Variants in MICAL3 observed in about 807,000 individuals in gnomAD.
MICAL3 encodes microtubule associated monooxygenase, calponin and LIM domain containing 3.
In MICAL3, 62 loss-of-function variants were observed where a neutral mutation model predicts 207.4. The ratio of observed to expected loss-of-function variants is 0.30; its 90% confidence interval spans 0.24 to 0.37. The LOEUF (loss-of-function observed/expected upper bound fraction) is 0.37. Ranked by LOEUF, MICAL3 falls within the 10% of genes least tolerant of loss-of-function variation. The probability of loss-of-function intolerance (pLI) is 1.00; values close to 1 mark genes in which losing one functional copy is unlikely to be tolerated. For synonymous variants in MICAL3, 1,077 were observed against 1,069.3 expected, an observed-to-expected ratio of 1.01 and a Z score of -0.14; for missense variants, 2,368 against 2,635.6, an observed-to-expected ratio of 0.90 and a Z score of 2.22.
rs951624453 is a variant in MICAL3, at chr22:17,993,756, A to G, written c.-75+30525T>C. On this transcript the variant is annotated intron_variant, in intron 1 of 31. Transcript: ENST00000441493. ...GGAATATGCCAACTAACCTCAATGC[A>G]CCTCTCCTGGCACTTCAGAGAGAGA... is the stretch of plus-strand genomic sequence containing the variant. Among the ~76,000 whole-genome samples the G allele has an allele frequency of 3.3e-5, 5 of 152,058 alleles. No individual in the cohort carries two copies. In the East Asian group the frequency reaches 5.8e-4, roughly 18 times the overall value.
At chr22:17,836,321 C>T (rs1923359566) in intron 20 of MICAL3, among the ~76,000 whole-genome samples, 1 of 152,206 alleles carries the variant, frequency 6.6e-6, no homozygotes, top group Non-Finnish European at 1.5e-5. Context: ...CTCATTTAAT[C>T]GCACAAATGC....
intron 21 of MICAL3, among the ~76,000 whole-genome samples, chr22:17,828,249 G>A (rs560570055): frequency 6.6e-6 from 1 of 152,366 alleles, no homozygotes; most frequent in Non-Finnish European, 1.5e-5. Flanking sequence ...CACACAGCAA[G>A]GTGCCCACCA....
At chr22:17,975,632 G>C (rs909487676) in intron 1 of MICAL3, among the ~76,000 whole-genome samples, 1 of 152,126 alleles carries the variant, frequency 6.6e-6, no homozygotes, top group African/African-American at 2.4e-5. Flanking sequence ...AGAGCTAAAA[G>C]GGATACAGAA....
chr22:17,931,708 C>G (rs1010229317), intron 1 of MICAL3, among the ~76,000 whole-genome samples: 1 of 152,196 alleles, frequency 6.6e-6, no homozygotes, highest in Non-Finnish European at 1.5e-5. Flanking sequence ...GGATGAGTCA[C>G]AGATCCAGCC....
intron 20 of MICAL3, chr22:17,834,233 TTCATTCACTCGG>T (rs1174867651): frequency 9.2e-7 from 1 of 1,091,858 alleles, no homozygotes; most frequent in African/African-American, 1.7e-5. Flanking sequence ...GACACATTCA[TTCATTCACTCGG>T]TGAACATTTC....
At chr22:17,834,618 T>C in intron 20 of MICAL3, 1 of 1,091,080 alleles carries the variant, frequency 9.2e-7, no homozygotes, top group Non-Finnish European at 1.1e-6. Flanking sequence ...GGAGGAAAGG[T>C]GTACGCACAT....
At chr22:17,970,351 C>G (rs1326827462) in intron 1 of MICAL3, among the ~76,000 whole-genome samples, 4 of 152,050 alleles carry the variant, frequency 2.6e-5, no homozygotes, top group Non-Finnish European at 5.9e-5. Context: ...GTGGTCTGCC[C>G]CAGGGCCCAC....
At chr22:17,857,784 G>A (rs965209542) in intron 19 of MICAL3, among the ~76,000 whole-genome samples, 2 of 152,218 alleles carry the variant, frequency 1.3e-5, no homozygotes, top group African/African-American at 4.8e-5. Context: ...TTCCTTTCAT[G>A]CCAGCAAGGG....
intron 16 of MICAL3, among the ~76,000 whole-genome samples, chr22:17,873,262 G>C (rs1179552757): frequency 6.6e-6 from 1 of 152,252 alleles, no homozygotes; most frequent in Non-Finnish European, 1.5e-5. Context: ...GCACGCAGCA[G>C]TGCCCAGGCT....
intron 22 of MICAL3, among the ~76,000 whole-genome samples, chr22:17,824,435 G>A (rs1340438110): frequency 6.6e-6 from 1 of 152,214 alleles, no homozygotes; most frequent in Non-Finnish European, 1.5e-5. Context: ...CTCTCCACAG[G>A]CCAGGCACTT....
At chr22:18,012,409 G>A (rs13054883) in intron 1 of MICAL3, among the ~76,000 whole-genome samples, 3,639 of 152,278 alleles carry the variant, frequency 0.024, 71 homozygotes, top group Middle Eastern at 0.085. Flanking sequence ...GCCCTCATGG[G>A]GAGGGACCCT....
chr22:18,020,965 T>TAAAA (rs1377132548), intron 1 of MICAL3, among the ~76,000 whole-genome samples: 11 of 136,268 alleles, frequency 8.1e-5, no homozygotes, highest in South Asian at 2.3e-4. Context: ...AATAAATAAA[T>TAAAA]AAAATGGCCC....
chr22:17,896,886 C>A lies in MICAL3; in HGVS notation c.1044G>T (p.Gln348His). The change falls in exon 8 of 32, where the codon CAG becomes CAT. Residue 348 changes from glutamine to histidine, a missense_variant. Physicochemically the swap from Gln to His is conservative, Grantham distance 24. Coordinates refer to ENST00000441493, the MANE Select transcript of MICAL3 (RefSeq NM_015241.3). The stretch of plus-strand genomic sequence containing the variant: ...CAAAATCCAGAGACGGCAGCTGCTG[C>A]TGGGTAGAGAAGTCTGCCGCCTCCC... ...YAREAADFST[Q>H]QQLPSLDFAI... 6.2e-7 allele frequency: 1 copy of A among 1,614,086 alleles called. No individual in the cohort carries two copies. Among genetic ancestry groups the A allele is most frequent in the Non-Finnish European group, 8.5e-7 (1 of 1,179,954 alleles).
At chr22:17,877,500 G>GTTATGGAGGTTAGGGAGA (rs1928907552) in intron 16 of MICAL3, among the ~76,000 whole-genome samples, 1 of 127,118 alleles carries the variant, frequency 7.9e-6, no homozygotes, top group African/African-American at 3.2e-5. Flanking sequence ...GGTTAGGGAG[G>GTTATGGAGGTTAGGGAGA]TTATGGAGGT....
chr22:17,799,109 T>C (rs1306229239), intron 29 of MICAL3, among the ~76,000 whole-genome samples: 1 of 152,136 alleles, frequency 6.6e-6, no homozygotes, highest in Non-Finnish European at 1.5e-5. Context: ...AGCAGCCAAG[T>C]GCGGTGGCTC....
chr22:17,971,582 T>TTCATCTAGCAC (rs1602320092), intron 1 of MICAL3, among the ~76,000 whole-genome samples: 1 of 152,232 alleles, frequency 6.6e-6, no homozygotes, highest in East Asian at 1.9e-4. Flanking sequence ...TCATCTAGCA[T>TTCATCTAGCAC]ACACAGGCAC....
chr22:18,005,832 C>T (rs1224866321), intron 1 of MICAL3: 3 of 152,232 alleles, frequency 2.0e-5, no homozygotes, highest in Non-Finnish European at 4.4e-5. Context: ...AGCAAACTAT[C>T]CTGCTCCACC....
intron 29 of MICAL3, among the ~76,000 whole-genome samples, chr22:17,802,061 ATT>A (rs35160195): frequency 2.2e-4 from 32 of 143,610 alleles, no homozygotes; most frequent in African/African-American, 3.9e-4. Context: ...AATGTAAACA[ATT>A]TTTTTTTTTT....
Position 17,886,988 on chromosome 22 carries a change from CAAAAAAAAAAA to C in MICAL3, c.2067+171_2067+181del, listed in dbSNP as rs55999508. Among the ~76,000 whole-genome samples, 164 of 41,346 alleles carry C rather than the reference CAAAAAAAAAAA, an allele frequency of 4.0e-3. 3 individuals are homozygous for C. The South Asian group carries it at 0.084, about 21-fold the overall frequency. 27.1% of individuals were successfully genotyped at this position (41,346 alleles called of 152,430 possible). On this transcript the variant is annotated intron_variant, in intron 15 of 31. Transcript: ENST00000441493. ...GGGCAATGGAGAAAGACTCTTGTCTCAAAAAAAAAAAAAAAAAAAAAAAAAAAAGAAAATAA... is the reference window on the plus strand; with the variant it reads ...GGGCAATGGAGAAAGACTCTTGTCTCAAAAAAAAAAAAAAAAAGAAAATAA...
Sources: allele counts gnomAD v4.1 joint callset (sites outside exome capture counted in the v4.1 genomes callset), GRCh38; gene constraint gnomAD v4.1.1; transcripts MANE v1.5; gene names NCBI Gene and HGNC (gene_info 2026-07-23, HGNC 2026-07-21).